DUSP18: variants seen among roughly 807,000 people sequenced by gnomAD.
DUSP18 encodes dual specificity protein phosphatase 18.
A neutral mutation model predicts 6.3 loss-of-function variants in DUSP18; 4 were observed. That is an observed-to-expected ratio of 0.63 (90% CI 0.31 to 1.45). DUSP18 has a LOEUF of 1.45. Ranked by LOEUF, DUSP18 falls within the 40% of genes most tolerant of loss-of-function variation. The pLI is 0.07. For synonymous variants in DUSP18, 96 were observed against 95.1 expected (o/e 1.01, Z -0.05); for missense variants, 235 against 247.7 (o/e 0.95, Z 0.34).
chr22:30,659,885 G>C (rs1020883857), downstream of DUSP18, among the ~76,000 whole-genome samples: 1 of 152,204 alleles, frequency 6.6e-6, no homozygotes, highest in African/African-American at 2.4e-5. Flanking sequence ...AGAAGGAAAA[G>C]TTAGAAGTAT....
chr22:30,661,444 C>CTTTTTTTTTTTTTTTTTTTTTT (rs56242112), downstream of DUSP18: 5 of 136,480 alleles, frequency 3.7e-5, no homozygotes, highest in Non-Finnish European at 3.1e-5. Context: ...TTTTCTTTTT[C>CTTTTTTTTTTTTTTTTTTTTTT]TTTTTTTTTT....
intron 2 of DUSP18, among the ~76,000 whole-genome samples, chr22:30,653,236 A>G (rs1353073058): frequency 1.3e-5 from 2 of 152,106 alleles, no homozygotes; most frequent in African/African-American, 2.4e-5. Context: ...GACGTTTCCA[A>G]GCCTACCCCC....
downstream of DUSP18, among the ~76,000 whole-genome samples, chr22:30,657,074 G>C (rs2088351934): frequency 6.6e-6 from 1 of 152,132 alleles, no homozygotes; most frequent in Non-Finnish European, 1.5e-5. Context: ...TGTTGACTTG[G>C]TTACAACGAT....
At chr22:30,664,443 G>C (rs1284074516) in intron 1 of DUSP18, among the ~76,000 whole-genome samples, 1 of 152,216 alleles carries the variant, frequency 6.6e-6, no homozygotes, top group African/African-American at 2.4e-5. Flanking sequence ...GCCTTGGCCT[G>C]ATTCTCCATT....
At chr22:30,658,753 T>C (rs1219485534), downstream of DUSP18, among the ~76,000 whole-genome samples, 1 of 152,066 alleles carries the variant, frequency 6.6e-6, no homozygotes, top group Non-Finnish European at 1.5e-5. Flanking sequence ...TTCCAGTGAA[T>C]GAGAACTGAA....
chr22:30,663,634 C>T lies in DUSP18; in HGVS notation c.370G>A (p.Ala124Thr), dbSNP rs775433384. Residue 124 changes from alanine to threonine, a missense_variant, in exon 2 of 2, where the codon GCC (alanine) becomes ACC (threonine). Ala to Thr is a moderately conservative substitution (Grantham distance 58). Coordinates refer to ENST00000334679, the MANE Select transcript of DUSP18 (RefSeq NM_152511.5). ...LCLAYLMKYH[A>T]MSLLDAHTWT... The stretch of plus-strand genomic sequence containing the variant: ...GTGTGGGCGTCCAGCAGGGACATGG[C>T]GTGGTACTTCATGAGGTAGGCGAGG... 44 of 1,614,094 alleles carry T rather than the reference C, an allele frequency of 2.7e-5. No homozygotes were observed. Among genetic ancestry groups the T allele is most frequent in the East Asian group, 1.1e-4 (5 of 44,908 alleles).
At chr22:30,658,474 A>G (rs530796832), downstream of DUSP18, among the ~76,000 whole-genome samples, 10 of 152,126 alleles carry the variant, frequency 6.6e-5, no homozygotes, top group African/African-American at 2.2e-4. Flanking sequence ...TCATCTGTCC[A>G]AAGCATCTGC....
chr22:30,660,311 AT>A (rs35517267), downstream of DUSP18, among the ~76,000 whole-genome samples: 1 of 151,010 alleles, frequency 6.6e-6, no homozygotes, highest in African/African-American at 2.4e-5. Flanking sequence ...AGAGAAAAAA[AT>A]TTTTTTTTTG....
chr22:30,666,773 A>G (rs1602114116), intron 1 of DUSP18: 1 of 152,372 alleles, frequency 6.6e-6, no homozygotes, highest in East Asian at 1.9e-4. Context: ...AATTACAGGC[A>G]GACAGAGCTT....
downstream of DUSP18, among the ~76,000 whole-genome samples, chr22:30,661,013 T>C (rs978382699): frequency 6.6e-6 from 1 of 152,160 alleles, no homozygotes; most frequent in African/African-American, 2.4e-5. Context: ...CCTGCTTTCG[T>C]ATTTTTAGCA....
In DUSP18 at chr22:30,664,053, C is replaced by A; in HGVS notation, c.-50G>T. ...AGTCAGCGAAGCACGAAGGCTGCGTCTTTCTGCTAGGCTGTGTCCATGGAA... is the reference window on the plus strand; with the variant it reads ...AGTCAGCGAAGCACGAAGGCTGCGTATTTCTGCTAGGCTGTGTCCATGGAA... On this transcript the variant is annotated 5_prime_UTR_variant, in exon 2 of 2. Coordinates refer to ENST00000334679, the MANE Select transcript of DUSP18 (RefSeq NM_152511.5). The A allele has an allele frequency of 6.6e-7, 1 of 1,524,338 alleles. No homozygotes were observed. The highest frequency in any genetic ancestry group is 1.2e-5 in the South Asian group (1 of 82,120). 94.4% of individuals were successfully genotyped at this position (1,524,338 alleles called of 1,614,324 possible).
intron 1 of DUSP18, among the ~76,000 whole-genome samples, chr22:30,665,948 T>C (rs2088636661): frequency 6.6e-6 from 1 of 150,686 alleles, no homozygotes; most frequent in African/African-American, 2.4e-5. Flanking sequence ...TGGGTGGGGA[T>C]GGGGGTGGTT....
chr22:30,663,977 TG>T lies in DUSP18; in HGVS notation c.26del (p.Pro9GlnfsTer15), dbSNP rs1569072606. 6.2e-7 allele frequency: 1 copy of T among 1,613,906 alleles called. No homozygotes were observed. The highest frequency in any genetic ancestry group is 1.7e-5 in the Admixed American group (1 of 60,002). ...TGACTGAGGGCTGCCGGAACTGAAC[TG>T]GGAAGGCACACGAGGGTGCTGTCAT... MTAPSCAF[P>X]VQFRQPSVSG... On this transcript the variant is annotated frameshift_variant, in exon 2 of 2. Transcript: ENST00000334679. LOFTEE classifies it low-confidence loss of function (END_TRUNC).
At chr22:30,659,802 G>A (rs1490218119), downstream of DUSP18, among the ~76,000 whole-genome samples, 1 of 152,194 alleles carries the variant, frequency 6.6e-6, no homozygotes, top group Non-Finnish European at 1.5e-5. Context: ...TTATTTTTAT[G>A]TTAGTGGGCT....
chr22:30,663,094 A>G lies in DUSP18; in HGVS notation c.*343T>C, dbSNP rs2088522711. The G allele has an allele frequency of 4.4e-6, 1 of 228,332 alleles. No individual in the cohort carries two copies. Among genetic ancestry groups the G allele is most frequent in the African/African-American group, 2.3e-5 (1 of 43,714 alleles). The allele number at this position is 228,332 out of a possible 1,614,324, so 14.1% of individuals were successfully genotyped here. On this transcript the variant is annotated 3_prime_UTR_variant, in exon 2 of 2. Transcript: ENST00000334679. ...AATGAGGTGGAATTGTAGCAGATTC[A>G]TTCCTGGGTCAATCTGTTTTTGGGG...
intron 1 of DUSP18, among the ~76,000 whole-genome samples, chr22:30,664,300 A>G (rs1302352919): frequency 6.6e-6 from 1 of 152,204 alleles, no homozygotes. Context: ...CTGCATTTTC[A>G]GCATGCTTCT....
downstream of DUSP18, among the ~76,000 whole-genome samples, chr22:30,658,385 A>AT (rs1569065786): frequency 4.6e-5 from 7 of 151,862 alleles, no homozygotes; most frequent in African/African-American, 1.4e-4. Context: ...GAAAAAAAAA[A>AT]ATTTTTTTTT....
At chr22:30,653,126 G>C (rs1052896968) in intron 2 of DUSP18, among the ~76,000 whole-genome samples, 1 of 152,210 alleles carries the variant, frequency 6.6e-6, no homozygotes, top group Non-Finnish European at 1.5e-5. Context: ...CTTAGTAAAT[G>C]CTTGCTCAGT....
rs772310401 is a variant in DUSP18, at chr22:30,663,456, C to A, written c.548G>T (p.Arg183Leu). 3.7e-6 allele frequency: 6 copies of A among 1,610,750 alleles called. No individual in the cohort carries two copies. The highest frequency in any genetic ancestry group is 1.1e-5 in the South Asian group (1 of 90,990). Reference sequence around the variant, plus strand: ...GATGGCTCACAGTGGAATCATCAAACGGACTTCCTTCTCATAGATGTCAGG... The same window carrying A: ...GATGGCTCACAGTGGAATCATCAAAAGGACTTCCTTCTCATAGATGTCAGG... ...MIPDIYEKEVRLMIPL is the reference protein window; with the variant it reads ...MIPDIYEKEVLLMIPL Residue 183 changes from arginine (R) to leucine (L), a missense_variant, in exon 2 of 2, where the codon CGT (arginine) becomes CTT (leucine). Coordinates refer to ENST00000334679, the MANE Select transcript of DUSP18 (RefSeq NM_152511.5).
Sources: allele counts gnomAD v4.1 joint callset (sites outside exome capture counted in the v4.1 genomes callset), GRCh38; gene constraint gnomAD v4.1.1; transcripts MANE v1.5; gene names NCBI Gene and HGNC (gene_info 2026-07-23, HGNC 2026-07-21).